GLIS1: variants seen among roughly 807,000 people sequenced by gnomAD.
The protein encoded by GLIS1 is GLIS family zinc finger 1, also known as zinc finger protein GLIS1.
Under a neutral mutation model 63.8 loss-of-function variants are expected in GLIS1, and 24 were observed. That is an observed-to-expected ratio of 0.38 (90% CI 0.27 to 0.53). GLIS1 has a LOEUF of 0.53. GLIS1 is among the 20% of genes least tolerant of loss of function. The pLI, the probability that GLIS1 is intolerant of heterozygous loss-of-function variation, is 0.85. For synonymous variants in GLIS1, 450 were observed against 482.5 expected (o/e 0.93, Z 0.88); for missense variants, 1,036 against 1,074.1 (o/e 0.96, Z 0.50).
intron 2 of GLIS1, among the ~76,000 whole-genome samples, chr1:53,641,934 C>T (rs1037962651): frequency 1.3e-5 from 2 of 152,344 alleles, no homozygotes; most frequent in Non-Finnish European, 1.5e-5. Context: ...ATCCCAGGGC[C>T]GCTGCTCTGT....
intron 2 of GLIS1, among the ~76,000 whole-genome samples, chr1:53,630,534 T>G (rs994530652): frequency 1.3e-5 from 2 of 151,790 alleles, no homozygotes. Flanking sequence ...CTCACTCTGT[T>G]GCCCAGGCTG....
rs1419355614 is a variant in GLIS1, at chr1:53,598,168, G to T, written c.437+1933C>A. Among the ~76,000 whole-genome samples the T allele has an allele frequency of 6.6e-6, 1 of 152,184 alleles. No individual in the cohort carries two copies. Among genetic ancestry groups the T allele is most frequent in the Admixed American group, 6.5e-5 (1 of 15,270 alleles). ...CTAACATCCAGTTTGACTGTGTTTG[G>T]AGACAGAGCCTTTAAATAAATAATT... On this transcript the variant is annotated intron_variant, in intron 3 of 10. Transcript: ENST00000628545. This position sits in a 1 kb window ranked among gnomAD's most constrained non-coding sequence, Gnocchi z 4.6.
In GLIS1 at chr1:53,509,284, T is replaced by C. The variant is rs757889592; in HGVS notation, c.2066A>G (p.Tyr689Cys). The stretch of plus-strand genomic sequence containing the variant: ...CTGGATGGAGTGGAAACTGCCCTGG[T>C]AACCTGCAGACGGGGGTAGCAGGGG... Reference protein sequence around the residue: ...PPPPLPSPQGYQGSFHSIQSC... With the variant: ...PPPPLPSPQGCQGSFHSIQSC... The change falls in exon 10 of 11, where the codon TAC becomes TGC. Residue 689 changes from tyrosine to cysteine, a missense_variant. Transcript: ENST00000628545. The C allele has an allele frequency of 5.1e-6, 8 of 1,572,118 alleles. No homozygotes were observed. Among genetic ancestry groups the C allele is most frequent in the Middle Eastern group, 1.7e-4 (1 of 5,738 alleles).
At chr1:53,711,291 C>G (rs909916883) in intron 2 of GLIS1, among the ~76,000 whole-genome samples, 1 of 152,212 alleles carries the variant, frequency 6.6e-6, no homozygotes, top group Non-Finnish European at 1.5e-5. Flanking sequence ...CCAGGCCTAA[C>G]CATGTCCTTG....
At chr1:53,708,656 G>A (rs920420066) in intron 2 of GLIS1, among the ~76,000 whole-genome samples, 6 of 152,028 alleles carry the variant, frequency 3.9e-5, no homozygotes, top group Non-Finnish European at 5.9e-5. Context: ...CAAAAGGCAC[G>A]CTGGCACAGG....
intron 4 of GLIS1, among the ~76,000 whole-genome samples, chr1:53,547,106 T>G (rs1644709945): frequency 6.6e-6 from 1 of 152,226 alleles, no homozygotes; most frequent in East Asian, 1.9e-4. Context: ...ACCTCACCGC[T>G]GGGGAAGGAG....
At chr1:53,674,910 A>G (rs1476911349) in intron 2 of GLIS1, among the ~76,000 whole-genome samples, 4 of 152,176 alleles carry the variant, frequency 2.6e-5, no homozygotes, top group Admixed American at 6.5e-5. Context: ...CAAGCCTGGC[A>G]TGCAGGCTGC....
chr1:53,545,585 GA>G (rs1644689394), intron 4 of GLIS1, among the ~76,000 whole-genome samples: 1 of 152,172 alleles, frequency 6.6e-6, no homozygotes, highest in Non-Finnish European at 1.5e-5. Flanking sequence ...GAGCAGCCTG[GA>G]AAAATACTCC....
At chr1:53,576,983 C>T (rs1406459527) in intron 4 of GLIS1, among the ~76,000 whole-genome samples, 2 of 152,102 alleles carry the variant, frequency 1.3e-5, no homozygotes, top group African/African-American at 4.8e-5. Context: ...TTCCTGATGG[C>T]TCCACTGCTC....
chr1:53,630,842 T>C (rs1645644948), intron 2 of GLIS1, among the ~76,000 whole-genome samples: 1 of 152,262 alleles, frequency 6.6e-6, no homozygotes, highest in Non-Finnish European at 1.5e-5. Context: ...AGCAATAGGA[T>C]TTCCTTTCTC....
chr1:53,672,745 C>T (rs1285862962), intron 2 of GLIS1, among the ~76,000 whole-genome samples: 2 of 152,244 alleles, frequency 1.3e-5, no homozygotes, highest in Non-Finnish European at 2.9e-5. Flanking sequence ...AGACTTTCCA[C>T]CTGCTCCTCT....
chr1:53,653,025 G>A (rs532489886), intron 2 of GLIS1, among the ~76,000 whole-genome samples: 1 of 152,336 alleles, frequency 6.6e-6, no homozygotes, highest in African/African-American at 2.4e-5. Context: ...GAGGCTCAGC[G>A]CTTCCTTCTG....
Position 53,559,603 on chromosome 1 carries a change from C to G in GLIS1, c.1321-29651G>C, listed in dbSNP as rs887136910. Among the ~76,000 whole-genome samples, 15 of 152,318 alleles carry G rather than the reference C, an allele frequency of 9.8e-5. No individual in the cohort carries two copies. In the East Asian group the frequency reaches 1.4e-3, roughly 14 times the overall value. On this transcript the variant is annotated intron_variant, in intron 4 of 10. Coordinates refer to ENST00000628545, the MANE Select transcript of GLIS1 (RefSeq NM_001367484.1). ...CACTCACCATGCGGCTCTGCTCCCC[C>G]TCAGGGTCGAGCCCAGCCGCTGCAA... is the stretch of plus-strand genomic sequence containing the variant.
chr1:53,690,298 C>T (rs1220749718), intron 2 of GLIS1, among the ~76,000 whole-genome samples: 3 of 152,258 alleles, frequency 2.0e-5, no homozygotes, highest in Admixed American at 1.3e-4. Flanking sequence ...GGCTCCGCTG[C>T]CCCCATCAGC....
At chr1:53,578,480 G>T (rs1181542424) in intron 4 of GLIS1, among the ~76,000 whole-genome samples, 2 of 152,116 alleles carry the variant, frequency 1.3e-5, no homozygotes, top group African/African-American at 4.8e-5. Flanking sequence ...CATTTTTACA[G>T]CCTTCCTCCA....
At chr1:53,632,161 T>G in intron 2 of GLIS1, among the ~76,000 whole-genome samples, 1 of 124,994 alleles carries the variant, frequency 8.0e-6, no homozygotes, top group African/African-American at 3.1e-5. Flanking sequence ...GTGAGGGGCA[T>G]GTGACTGAGG....
At chr1:53,724,051 G>GC (rs760287117) in intron 2 of GLIS1, among the ~76,000 whole-genome samples, 11 of 152,190 alleles carry the variant, frequency 7.2e-5, no homozygotes, top group Non-Finnish European at 8.8e-5. Flanking sequence ...TATCAGTGCT[G>GC]CCTTAAGAAC....
At chr1:53,529,718 G>T (rs1569763125) in intron 5 of GLIS1, 73 bp downstream of exon 5, 2 of 1,481,100 alleles carry the variant, frequency 1.4e-6, no homozygotes, top group Non-Finnish European at 9.2e-7. Flanking sequence ...TAAGGCAGGG[G>T]CTCTGCACTG....
intron 2 of GLIS1, among the ~76,000 whole-genome samples, chr1:53,638,532 C>T (rs1004495205): frequency 2.0e-5 from 3 of 152,184 alleles, no homozygotes; most frequent in Non-Finnish European, 4.4e-5. Flanking sequence ...TCCCTTGTTC[C>T]CCACTGCCCC....
Sources: allele counts gnomAD v4.1 joint callset (sites outside exome capture counted in the v4.1 genomes callset), GRCh38; gene constraint gnomAD v4.1.1; non-coding constraint Gnocchi (gnomAD v3.1); transcripts MANE v1.5; gene names NCBI Gene and HGNC (gene_info 2026-07-23, HGNC 2026-07-21).